NEXMIF: variants seen among roughly 807,000 people sequenced by gnomAD.
NEXMIF encodes the protein XLMR protein related to neurite extension.
A neutral mutation model predicts 62.1 loss-of-function variants in NEXMIF; 8 were observed. That is an observed-to-expected ratio of 0.13 (90% CI 0.08 to 0.23). NEXMIF has a LOEUF of 0.23. Ranked by LOEUF, NEXMIF falls within the 10% of genes least tolerant of loss-of-function variation. The probability of loss-of-function intolerance (pLI) is 1.00; values close to 1 mark genes in which losing one functional copy is unlikely to be tolerated. For synonymous variants in NEXMIF, 404 were observed against 416.6 expected (o/e 0.97, Z 0.37); for missense variants, 976 against 1,113.3 (o/e 0.88, Z 1.75).
At chrX:74,882,684 G>C (rs1251490153) in intron 1 of NEXMIF, among the ~76,000 whole-genome samples, 1 of 112,296 alleles carries the variant, frequency 8.9e-6, no homozygotes, top group Admixed American at 9.4e-5. Context: ...ACAGCTCAAA[G>C]AGGCCTGCCT....
chrX:74,924,624 C>T, intron 1 of NEXMIF, among the ~76,000 whole-genome samples: 1 of 113,749 alleles, frequency 8.8e-6, no homozygotes, highest in East Asian at 2.8e-4. Flanking sequence ...CCGCAACCCC[C>T]TTCCTACGGC....
chrX:74,812,667 G>C (rs1333313000), intron 1 of NEXMIF, among the ~76,000 whole-genome samples: 3 of 111,509 alleles, frequency 2.7e-5, no homozygotes, highest in Admixed American at 1.9e-4. Context: ...GTCTCAGGAA[G>C]AAAAATAGAA....
intron 3 of NEXMIF, chrX:74,739,851 G>T: frequency 2.6e-6 from 1 of 387,284 alleles, no homozygotes; most frequent in Non-Finnish European, 4.4e-6. Flanking sequence ...AGCAGAAGAA[G>T]AAATAGCTTT....
At chrX:74,887,356 A>T (rs1443095932) in intron 1 of NEXMIF, among the ~76,000 whole-genome samples, 1 of 111,438 alleles carries the variant, frequency 9.0e-6, no homozygotes, top group East Asian at 2.9e-4. Flanking sequence ...CATCAGAGTG[A>T]ACAGGCAACC....
intron 1 of NEXMIF, among the ~76,000 whole-genome samples, chrX:74,855,536 C>T (rs1016239416): frequency 1.8e-5 from 2 of 111,799 alleles, no homozygotes; most frequent in East Asian, 2.8e-4. Flanking sequence ...ATTTGAAAAA[C>T]TCACATATTC....
chrX:74,868,547 G>A (rs1388012281), intron 1 of NEXMIF, among the ~76,000 whole-genome samples: 1 of 98,161 alleles, frequency 1.0e-5, no homozygotes, highest in Non-Finnish European at 2.0e-5. Flanking sequence ...AGCATCACAT[G>A]TTCTCACTTA....
chrX:74,919,002 G>T (rs1288650893), intron 1 of NEXMIF, among the ~76,000 whole-genome samples: 1 of 112,416 alleles, frequency 8.9e-6, no homozygotes, highest in African/African-American at 3.2e-5. Flanking sequence ...ATAGAAAGTT[G>T]CCTGTGCACT....
intron 2 of NEXMIF, among the ~76,000 whole-genome samples, chrX:74,744,800 G>A (rs1217318795): frequency 1.8e-5 from 2 of 111,167 alleles, no homozygotes; most frequent in African/African-American, 6.5e-5. Flanking sequence ...ATGCTCAGAT[G>A]GAACATTAAT....
At chrX:74,892,951 G>T (rs1365815952) in intron 1 of NEXMIF, among the ~76,000 whole-genome samples, 1 of 111,864 alleles carries the variant, frequency 8.9e-6, no homozygotes, top group Non-Finnish European at 1.9e-5. Flanking sequence ...GAGAGAGAGA[G>T]AATATGTATG....
chrX:74,909,618 A>G (rs926377095), intron 1 of NEXMIF, among the ~76,000 whole-genome samples: 2 of 112,303 alleles, frequency 1.8e-5, no homozygotes, highest in Non-Finnish European at 3.8e-5. Flanking sequence ...AGAAATTTGC[A>G]TAAGTAACAA....
chrX:74,884,823 C>A (rs960580366), intron 1 of NEXMIF, among the ~76,000 whole-genome samples: 13 of 111,618 alleles, frequency 1.2e-4, no homozygotes, highest in Non-Finnish European at 2.3e-4. Flanking sequence ...AATTCCCCAC[C>A]CCAAATCAAC....
At chrX:74,858,909 T>G (rs2080545188) in intron 1 of NEXMIF, among the ~76,000 whole-genome samples, 1 of 109,241 alleles carries the variant, frequency 9.2e-6, no homozygotes, top group Non-Finnish European at 1.9e-5. Flanking sequence ...GCAGAATTGA[T>G]CAAGCAGAAG....
chrX:74,916,793 A>G (rs1241282161), intron 1 of NEXMIF, among the ~76,000 whole-genome samples: 2 of 112,274 alleles, frequency 1.8e-5, no homozygotes, highest in East Asian at 5.6e-4. Context: ...AGAAGAATGC[A>G]TTGAATTAGG....
intron 1 of NEXMIF, among the ~76,000 whole-genome samples, chrX:74,785,333 C>T (rs2080257383): frequency 9.0e-6 from 1 of 110,561 alleles, no homozygotes; most frequent in Non-Finnish European, 1.9e-5. Flanking sequence ...TTTCCAAATC[C>T]CATGTTCTTT....
intron 1 of NEXMIF, among the ~76,000 whole-genome samples, chrX:74,872,963 A>T (rs1399813207): frequency 1.9e-5 from 2 of 107,113 alleles, no homozygotes; most frequent in South Asian, 4.0e-4. Flanking sequence ...ATTTTTTTTA[A>T]AATTGTTTTG....
chrX:74,879,094 G>C (rs1057292766), intron 1 of NEXMIF, among the ~76,000 whole-genome samples: 2 of 112,300 alleles, frequency 1.8e-5, no homozygotes, highest in African/African-American at 6.5e-5. Flanking sequence ...ATCCAGTACA[G>C]TAACATGCTG....
At chrX:74,829,993 G>A (rs1258149396) in intron 1 of NEXMIF, among the ~76,000 whole-genome samples, 3 of 111,088 alleles carry the variant, frequency 2.7e-5, no homozygotes, top group Non-Finnish European at 5.7e-5. Context: ...TTCCTAATCC[G>A]TGAGTTGTCT....
intron 1 of NEXMIF, among the ~76,000 whole-genome samples, chrX:74,921,461 A>C (rs2080826865): frequency 8.9e-6 from 1 of 112,366 alleles, no homozygotes. Flanking sequence ...GGGCAAGAGA[A>C]AAGGTGTGAA....
intron 1 of NEXMIF, among the ~76,000 whole-genome samples, chrX:74,888,762 T>C (rs2080706942): frequency 8.9e-6 from 1 of 112,079 alleles, no homozygotes; most frequent in South Asian, 3.7e-4. Flanking sequence ...CGAACACATA[T>C]TATTCACATA....
Sources: allele counts gnomAD v4.1 joint callset (sites outside exome capture counted in the v4.1 genomes callset), GRCh38; gene constraint gnomAD v4.1.1; transcripts MANE v1.5; gene names NCBI Gene and HGNC (gene_info 2026-07-23, HGNC 2026-07-21).